STK31: variants seen among roughly 807,000 people sequenced by gnomAD.
STK31 encodes the protein serine/threonine-protein kinase 31.
A neutral mutation model predicts 129.7 loss-of-function variants in STK31; 89 were observed. The observed-to-expected ratio is 0.69, with a 90% CI of 0.58 to 0.82. The LOEUF (loss-of-function observed/expected upper bound fraction) is 0.82, where lower values mean the gene tolerates loss of function less well. Ranked by LOEUF, STK31 falls within the 40% of genes least tolerant of loss-of-function variation. STK31 has a pLI of 0.00. For synonymous variants in STK31, 448 were observed against 395.3 expected (o/e 1.13, Z -1.58); for missense variants, 1,187 against 1,176.4 (o/e 1.01, Z -0.13).
intron 11 of STK31, among the ~76,000 whole-genome samples, chr7:23,765,024 A>C (rs1472957554): frequency 6.6e-6 from 1 of 151,606 alleles, no homozygotes; most frequent in South Asian, 2.1e-4. Context: ...TTAACACTGC[A>C]ACATCTTTTC....
At chr7:23,797,164 T>C (rs1319794080) in intron 22 of STK31, among the ~76,000 whole-genome samples, 1 of 152,076 alleles carries the variant, frequency 6.6e-6, no homozygotes, top group African/African-American at 2.4e-5. Context: ...ACAATAATAG[T>C]GGGAGACTTT....
chr7:23,744,199 C>T (rs760429646), intron 8 of STK31, among the ~76,000 whole-genome samples: 2 of 151,268 alleles, frequency 1.3e-5, no homozygotes, highest in Admixed American at 6.6e-5. Flanking sequence ...GGATTATAGG[C>T]GTGAGCCATC....
intron 22 of STK31, among the ~76,000 whole-genome samples, chr7:23,807,857 T>G (rs1792810980): frequency 6.6e-6 from 1 of 152,048 alleles, no homozygotes; most frequent in Non-Finnish European, 1.5e-5. Flanking sequence ...CATTTTTGAT[T>G]ACTGTTTTTC....
intron 22 of STK31, among the ~76,000 whole-genome samples, chr7:23,800,764 GA>G (rs992416778): frequency 2.2e-4 from 34 of 151,808 alleles, no homozygotes; most frequent in African/African-American, 5.3e-4. Context: ...AGAAAAAATA[GA>G]AAAAAATATA....
intron 6 of STK31, among the ~76,000 whole-genome samples, chr7:23,732,827 G>A (rs1459180290): frequency 6.6e-6 from 1 of 152,048 alleles, no homozygotes; most frequent in Non-Finnish European, 1.5e-5. Flanking sequence ...ACTTCCTAGG[G>A]GCAGAAGTTG....
Position 23,781,527 on chromosome 7 carries a change from A to T in STK31, c.2067+7A>T. The T allele has an allele frequency of 1.3e-6, 2 of 1,588,844 alleles. No homozygotes were observed. The highest frequency in any genetic ancestry group is 1.7e-6 in the Non-Finnish European group (2 of 1,167,140). Reference sequence around the variant, plus strand: ...TCATGAGAGAGAGGAATATGTAAGTATTTGGTTCTTTGAAGTTTTACATTA... The same window carrying T: ...TCATGAGAGAGAGGAATATGTAAGTTTTTGGTTCTTTGAAGTTTTACATTA... On this transcript the variant is annotated splice_region_variant and intron_variant, in intron 16 of 23. Transcript: ENST00000355870.
chr7:23,811,112 TGATA>T (rs2128125562), intron 22 of STK31: 1 of 162,642 alleles, frequency 6.1e-6, no homozygotes, highest in African/African-American at 2.4e-5. Flanking sequence ...TGATGACAGG[TGATA>T]GATCCAAAGT....
intron 11 of STK31, among the ~76,000 whole-genome samples, chr7:23,766,364 G>A (rs1318873025): frequency 1.3e-5 from 2 of 152,146 alleles, no homozygotes; most frequent in Non-Finnish European, 2.9e-5. Context: ...CTGGGTTCAA[G>A]CAATTCTCAT....
intron 8 of STK31, among the ~76,000 whole-genome samples, chr7:23,742,579 A>G (rs1031961889): frequency 2.1e-4 from 32 of 152,254 alleles, no homozygotes; most frequent in African/African-American, 5.1e-4. Flanking sequence ...CCTATAGCCA[A>G]TGTTGTAAAT....
In STK31 at chr7:23,788,141, T is replaced by C. The variant is rs527685060; in HGVS notation, c.2637+12T>C. 5 of 1,604,082 alleles carry C rather than the reference T, an allele frequency of 3.1e-6. No individual in the cohort carries two copies. In the South Asian group the frequency reaches 4.5e-5, roughly 14 times the overall value. On this transcript the variant is annotated intron_variant, in intron 21 of 23. Coordinates refer to ENST00000355870, the MANE Select transcript of STK31 (RefSeq NM_031414.5). ...TCACCAAATCTGTGGTAAGATATCATGGTTTTACAAATAGGTTCTAGACTT... is the reference window on the plus strand; with the variant it reads ...TCACCAAATCTGTGGTAAGATATCACGGTTTTACAAATAGGTTCTAGACTT...
intron 4 of STK31, among the ~76,000 whole-genome samples, chr7:23,725,388 A>AG (rs1159146431): frequency 6.6e-6 from 1 of 150,704 alleles, no homozygotes; most frequent in Admixed American, 6.6e-5. Flanking sequence ...AAAAAAAAAA[A>AG]AAAAAAAAAG....
intron 6 of STK31, among the ~76,000 whole-genome samples, chr7:23,734,836 G>A (rs1398826207): frequency 1.3e-5 from 2 of 152,162 alleles, no homozygotes; most frequent in African/African-American, 4.8e-5. Context: ...GTGGTGGTGT[G>A]TGCCAGTAGT....
intron 22 of STK31, among the ~76,000 whole-genome samples, chr7:23,796,994 A>G (rs1310574567): frequency 2.6e-5 from 4 of 152,212 alleles, no homozygotes; most frequent in African/African-American, 7.2e-5. Context: ...ATTTTAACCA[A>G]CAAAGATCAA....
intron 4 of STK31, among the ~76,000 whole-genome samples, chr7:23,723,971 T>C (rs752115711): frequency 6.6e-6 from 1 of 152,160 alleles, no homozygotes; most frequent in Admixed American, 6.6e-5. Context: ...AGGAAGGGGC[T>C]TGATTAACTT....
rs763457395 is a variant in STK31 at position 23,832,256 on chromosome 7, G to A, written c.2950G>A (p.Glu984Lys). 4 of 1,613,996 alleles carry A rather than the reference G, an allele frequency of 2.5e-6. No homozygotes were observed. The highest frequency in any genetic ancestry group is 3.4e-6 in the Non-Finnish European group (4 of 1,179,950). The change falls in exon 24 of 24, where the codon GAA becomes AAA. Residue 984 changes from glutamate (E) to lysine (K), a missense_variant. This residue lies in a region of STK31 where 975 missense variants were observed against 934.9 expected (regional missense o/e 1.04). Coordinates refer to ENST00000355870, the MANE Select transcript of STK31 (RefSeq NM_031414.5). The part of the protein sequence containing the change: ...MPKEQSVPNP[E>K]KDTEYTLYKK... Reference sequence around the variant, plus strand: ...AAAGGAGCAATCAGTTCCAAACCCAGAAAAAGATACTGAATACACCCTATA... The same window carrying A: ...AAAGGAGCAATCAGTTCCAAACCCAAAAAAAGATACTGAATACACCCTATA...
Position 23,750,827 on chromosome 7 carries a change from G to A in STK31, c.1018-1890G>A, listed in dbSNP as rs7798274. Among the ~76,000 whole-genome samples, 675 of 152,294 alleles carry A rather than the reference G, an allele frequency of 4.4e-3. 7 individuals are homozygous for A. Among genetic ancestry groups the A allele is most frequent in the African/African-American group, 0.016 (655 of 41,578 alleles). ...TGCCTAGAATGTGTAATGATCAAGT[G>A]TAGGTATTTAGGATATCGATCACCT... is the stretch of plus-strand genomic sequence containing the variant. On this transcript the variant is annotated intron_variant, in intron 8 of 23. Coordinates refer to ENST00000355870, the MANE Select transcript of STK31 (RefSeq NM_031414.5).
chr7:23,746,006 G>A (rs755209237), intron 8 of STK31, among the ~76,000 whole-genome samples: 11 of 152,202 alleles, frequency 7.2e-5, no homozygotes, highest in East Asian at 1.9e-4. Context: ...CTACCTCTTC[G>A]CGGGTACTTG....
At chr7:23,815,240 T>C (rs765763916) in intron 23 of STK31, 28 bp downstream of exon 23, 2 of 1,467,380 alleles carry the variant, frequency 1.4e-6, no homozygotes, top group African/African-American at 2.8e-5. Context: ...CATTTACTGG[T>C]TTGAAACACA....
chr7:23,749,834 A>G (rs368081324), intron 8 of STK31, among the ~76,000 whole-genome samples: 3 of 151,750 alleles, frequency 2.0e-5, no homozygotes, highest in East Asian at 3.9e-4. Flanking sequence ...GCATTTCTCA[A>G]TTTTTTCCTC....
Sources: allele counts gnomAD v4.1 joint callset (sites outside exome capture counted in the v4.1 genomes callset), GRCh38; gene constraint gnomAD v4.1.1; regional missense constraint gnomAD v4.1.1; transcripts MANE v1.5; gene names NCBI Gene and HGNC (gene_info 2026-07-23, HGNC 2026-07-21).